KDR: variants seen among roughly 807,000 people sequenced by gnomAD.
KDR encodes vascular endothelial growth factor receptor 2.
A neutral mutation model predicts 160.9 loss-of-function variants in KDR; 43 were observed. The observed-to-expected ratio is 0.27, with a 90% CI of 0.21 to 0.34. The LOEUF (loss-of-function observed/expected upper bound fraction) is 0.34. KDR is among the 10% of genes least tolerant of loss of function. KDR has a pLI of 1.00. For synonymous variants in KDR, 617 were observed against 600.1 expected, an observed-to-expected ratio of 1.03 and a Z score of -0.41; for missense variants, 1,469 against 1,666.4, an observed-to-expected ratio of 0.88 and a Z score of 2.06.
At chr4:55,100,585 A>G (rs1720284354) in intron 15 of KDR, among the ~76,000 whole-genome samples, 2 of 152,220 alleles carry the variant, frequency 1.3e-5, no homozygotes, top group African/African-American at 4.8e-5. Flanking sequence ...TCTAGACGTC[A>G]TTCTGCGGAT....
At chr4:55,111,835 A>G (rs1720591869) in intron 7 of KDR, among the ~76,000 whole-genome samples, 3 of 152,238 alleles carry the variant, frequency 2.0e-5, no homozygotes, top group Admixed American at 2.0e-4. Context: ...TGTAGTCAGG[A>G]ACTTGAGTTC....
At chr4:55,091,554 C>G (rs1720019279) in intron 22 of KDR, among the ~76,000 whole-genome samples, 1 of 152,024 alleles carries the variant, frequency 6.6e-6, no homozygotes, top group South Asian at 2.1e-4. Context: ...TGGGAAAACC[C>G]TATAAGGTCC....
Position 55,088,903 on chromosome 4 carries a change from G to A in KDR, c.3475C>T (p.His1159Tyr), listed in dbSNP as rs1719936486. 1 of 1,614,084 alleles carries A rather than the reference G, an allele frequency of 6.2e-7. No homozygotes were observed. Among genetic ancestry groups the A allele is most frequent in the African/African-American group, 1.3e-5 (1 of 75,044 alleles). Residue 1159 changes from histidine to tyrosine, a missense_variant, in exon 26 of 30, where the codon CAT becomes TAT. Physicochemically the swap from His to Tyr is moderately conservative, Grantham distance 83. Transcript: ENST00000263923. Reference protein sequence around the residue: ...QRPTFSELVEHLGNLLQANAQ... With the variant: ...QRPTFSELVEYLGNLLQANAQ... ...TTAGCTTGCAAGAGATTTCCCAAAT[G>A]TTCCACCAACTCTGAAAACGTGGGT... is the stretch of plus-strand genomic sequence containing the variant.
At chr4:55,110,300 T>G in intron 9 of KDR, 103 bp downstream of exon 9, 1 of 1,207,520 alleles carries the variant, frequency 8.3e-7, no homozygotes, top group Non-Finnish European at 1.2e-6. Flanking sequence ...CCAGCCATGA[T>G]ATGAGTGAAG....
At chr4:55,121,792 T>A (rs1251908544) in intron 1 of KDR, among the ~76,000 whole-genome samples, 1 of 152,164 alleles carries the variant, frequency 6.6e-6, no homozygotes, top group Non-Finnish European at 1.5e-5. Flanking sequence ...AGAGAAAACA[T>A]TCCCCAATTC....
At chr4:55,083,579 G>GGTGA (rs1331387748) in intron 27 of KDR, among the ~76,000 whole-genome samples, 5 of 151,964 alleles carry the variant, frequency 3.3e-5, no homozygotes, top group African/African-American at 1.2e-4. Flanking sequence ...TGTGGCTTTG[G>GGTGA]GTGAGTCTAG....
Position 55,125,258 on chromosome 4 carries a change from C to G in KDR, c.36G>C (p.Trp12Cys). 6.2e-7 allele frequency: 1 copy of G among 1,613,014 alleles called. No individual in the cohort carries two copies. Among genetic ancestry groups the G allele is most frequent in the Non-Finnish European group, 8.5e-7 (1 of 1,179,762 alleles). ...AGGCGGCCCGGGTCTCCACGCAGAG[C>G]CACAGGGCGACGGCCAGCAGCACCT... is the stretch of plus-strand genomic sequence containing the variant. ...QSKVLLAVAL[W>C]LCVETRAASV... The change falls in exon 1 of 30, where the codon TGG becomes TGC. Residue 12 changes from tryptophan (W) to cysteine (C), a missense_variant. By Grantham distance (215) the Trp-to-Cys change is radical. Coordinates refer to ENST00000263923, the MANE Select transcript of KDR (RefSeq NM_002253.4).
intron 2 of KDR, among the ~76,000 whole-genome samples, chr4:55,119,634 C>T (rs1429773249): frequency 6.6e-6 from 1 of 152,086 alleles, no homozygotes; most frequent in Non-Finnish European, 1.5e-5. Flanking sequence ...CATGGAAAGG[C>T]CCTGGAGCAG....
intron 9 of KDR, among the ~76,000 whole-genome samples, chr4:55,109,234 C>G (rs937158423): frequency 6.6e-6 from 1 of 152,092 alleles, no homozygotes; most frequent in Non-Finnish European, 1.5e-5. Flanking sequence ...AGGTGCCCAC[C>G]ACCATGCCTG....
chr4:55,090,195 A>G (rs917842734), intron 22 of KDR, 117 bp from the exon 23 acceptor site: 8 of 1,168,218 alleles, frequency 6.8e-6, no homozygotes, highest in Non-Finnish European at 1.0e-5. Flanking sequence ...ATTAACAAGG[A>G]CTGGGTTAGT....
At chr4:55,104,178 G>T (rs1400466060) in intron 13 of KDR, among the ~76,000 whole-genome samples, 1 of 152,078 alleles carries the variant, frequency 6.6e-6, no homozygotes, top group Non-Finnish European at 1.5e-5. Flanking sequence ...TCTATGACTA[G>T]AGCTATAGCA....
At chr4:55,115,220 A>C in intron 4 of KDR, 61 bp downstream of exon 4, 1 of 1,436,620 alleles carries the variant, frequency 7.0e-7, no homozygotes, top group South Asian at 1.2e-5. Flanking sequence ...CAGGTTACCC[A>C]TCTTAATATT....
chr4:55,098,000 A>G (rs187264065), intron 17 of KDR, 137 bp downstream of exon 17: 4 of 1,208,180 alleles, frequency 3.3e-6, no homozygotes, highest in Admixed American at 3.6e-5. Flanking sequence ...ATGAATGATT[A>G]TACAAATTCA....
chr4:55,081,930 G>A, intron 29 of KDR, 26 bp downstream of exon 29: 1 of 1,509,960 alleles, frequency 6.6e-7, no homozygotes, highest in Non-Finnish European at 9.2e-7. Flanking sequence ...ATTGAAATTT[G>A]TCTTTTTAAT....
At chr4:55,124,598 C>A (rs542977077) in intron 1 of KDR, among the ~76,000 whole-genome samples, 173 of 152,190 alleles carry the variant, frequency 1.1e-3, no homozygotes, top group Non-Finnish European at 1.8e-3. Flanking sequence ...TCAAAGCCCC[C>A]AGGACAAGTC....
chr4:55,119,587 C>T (rs373614848), intron 2 of KDR, among the ~76,000 whole-genome samples: 6 of 152,238 alleles, frequency 3.9e-5, no homozygotes, highest in Non-Finnish European at 7.3e-5. Flanking sequence ...GCCATAGGAA[C>T]ATCATGAAGA....
rs199866784 is a variant in KDR, at chr4:55,101,849, T to A, written c.2266+48A>T. ...GATCAGATTCCTTTTTACGGCTGCA[T>A]AGCATTCCATGGTGTATATGTACCA... On this transcript the variant is annotated intron_variant, in intron 15 of 29. Coordinates refer to ENST00000263923, the MANE Select transcript of KDR (RefSeq NM_002253.4). 19 of 1,491,054 alleles carry A rather than the reference T, an allele frequency of 1.3e-5. No homozygotes were observed. The East Asian group carries it at 2.0e-4, about 16-fold the overall frequency. The allele number at this position is 1,491,054 out of a possible 1,614,324, so 92.4% of individuals were successfully genotyped here.
Position 55,082,625 on chromosome 4 carries a change from G to T in KDR, c.3673C>A (p.Gln1225Lys), listed in dbSNP as rs767647176. The change falls in exon 28 of 30, where the codon CAG becomes AAG. Residue 1225 changes from glutamine (Q) to lysine (K), a missense_variant. This residue lies in a region of KDR where 229 missense variants were observed against 197.8 expected (regional missense o/e 1.16). Coordinates refer to ENST00000263923, the MANE Select transcript of KDR (RefSeq NM_002253.4). ...GGCCGGCTCTTTCGCTTACTGTTCT[G>T]CAGATACTGACTGCAAAAGAACAAA... Reference protein sequence around the residue: ...DNTAGISQYLQNSKRKSRPVS... With the variant: ...DNTAGISQYLKNSKRKSRPVS... 1 of 1,613,062 alleles carries T rather than the reference G, an allele frequency of 6.2e-7. No homozygotes were observed. Among genetic ancestry groups the T allele is most frequent in the East Asian group, 2.2e-5 (1 of 44,860 alleles).
rs1560519153 is a variant in KDR, at chr4:55,104,915, G to A, written c.1715C>T (p.Thr572Ile). ...TEQESVSLWCTADRSTFENLT... is the reference protein window; with the variant it reads ...TEQESVSLWCIADRSTFENLT... Reference sequence around the variant, plus strand: ...GTTCTCAAACGTAGATCTGTCTGCAGTGCACCACAAAGACACGCTCTCCTG... The same window carrying A: ...GTTCTCAAACGTAGATCTGTCTGCAATGCACCACAAAGACACGCTCTCCTG... Residue 572 changes from threonine to isoleucine, a missense_variant, in exon 13 of 30, where the codon ACT (threonine) becomes ATT (isoleucine). Transcript: ENST00000263923. 8.1e-6 allele frequency: 13 copies of A among 1,613,950 alleles called. No homozygotes were observed. Among genetic ancestry groups the A allele is most frequent in the Non-Finnish European group, 9.3e-6 (11 of 1,179,874 alleles).
Sources: gnomAD v4.1 joint callset for allele counts (sites outside exome capture counted in the v4.1 genomes callset) on GRCh38, gnomAD v4.1.1 for gene constraint, gnomAD v4.1.1 regional missense constraint, MANE v1.5 for transcripts, NCBI Gene and HGNC (gene_info 2026-07-23, HGNC 2026-07-21) for gene names.